Variants in NOX4 observed in about 807,000 individuals in gnomAD.
NOX4 encodes kidney oxidase-1.
NOX4 carries 69 observed loss-of-function variants against 87.6 expected under a neutral mutation model. The ratio of observed to expected loss-of-function variants is 0.79; its 90% CI spans 0.65 to 0.96. The LOEUF (loss-of-function observed/expected upper bound fraction) is 0.96. Among genes scored for constraint, NOX4 ranks in the 40% least tolerant of loss-of-function variants. The probability of loss-of-function intolerance (pLI) is 0.00; values close to 1 mark genes in which losing one functional copy is unlikely to be tolerated. For missense variants in NOX4, 680 were observed against 681.5 expected (o/e 1.00, Z 0.02); for synonymous variants, 275 against 238.2 (o/e 1.15, Z -1.42).
At chr11:89,522,905 G>C in the NOX4 span, among the ~76,000 whole-genome samples, 1 of 152,140 alleles carries the variant, frequency 6.6e-6, no homozygotes, top group African/African-American at 2.4e-5. Flanking sequence ...ACTCACGGTA[G>C]AGAGGTCTCA....
the NOX4 span, among the ~76,000 whole-genome samples, chr11:89,540,509 C>T: frequency 6.6e-6 from 1 of 151,670 alleles, no homozygotes; most frequent in Non-Finnish European, 1.5e-5. Context: ...AAGCTTCGGC[C>T]GGGCACAGTG....
At chr11:89,445,104 T>C (rs1944635662) in intron 4 of NOX4, among the ~76,000 whole-genome samples, 1 of 152,134 alleles carries the variant, frequency 6.6e-6, no homozygotes, top group Non-Finnish European at 1.5e-5. Flanking sequence ...AAATTTGTGA[T>C]CTTGGCCATA....
At chr11:89,463,315 G>C (rs369012728) in intron 2 of NOX4, among the ~76,000 whole-genome samples, 4 of 151,766 alleles carry the variant, frequency 2.6e-5, no homozygotes, top group African/African-American at 9.6e-5. Context: ...CAAAGAATCA[G>C]TTCCCTTTGG....
the NOX4 span, among the ~76,000 whole-genome samples, chr11:89,574,757 A>G: frequency 6.6e-6 from 1 of 152,240 alleles, no homozygotes; most frequent in African/African-American, 2.4e-5. Context: ...AGAAAATACT[A>G]CAATACATCA....
intron 11 of NOX4, among the ~76,000 whole-genome samples, chr11:89,381,147 TG>T (rs1338157655): frequency 3.3e-5 from 5 of 152,244 alleles, no homozygotes; most frequent in African/African-American, 1.2e-4. Flanking sequence ...AGAAAAATGA[TG>T]GCTAGTGCAG....
At chr11:89,500,330 T>C (rs1947003505), upstream of NOX4, among the ~76,000 whole-genome samples, 1 of 152,168 alleles carries the variant, frequency 6.6e-6, no homozygotes, top group Non-Finnish European at 1.5e-5. Context: ...TGGTCTTTCA[T>C]AGTCCTTTCT....
chr11:89,488,805 G>A (rs770058450), intron 2 of NOX4: 11 of 514,440 alleles, frequency 2.1e-5, no homozygotes, highest in Non-Finnish European at 3.8e-5. Context: ...ACCTAATGGG[G>A]AAATACTAGA....
chr11:89,346,071 G>T (rs1490089911), intron 13 of NOX4, among the ~76,000 whole-genome samples: 2 of 152,144 alleles, frequency 1.3e-5, no homozygotes, highest in Non-Finnish European at 2.9e-5. Context: ...ACTGATAAAT[G>T]ACTTCAGTAG....
chr11:89,503,550 T>C, the NOX4 span, among the ~76,000 whole-genome samples: 2 of 151,742 alleles, frequency 1.3e-5, no homozygotes, highest in African/African-American at 2.4e-5. Context: ...AAAAATCAGG[T>C]TGTGAGATTG....
At chr11:89,501,422 A>T (rs1009016481), upstream of NOX4, among the ~76,000 whole-genome samples, 2 of 151,958 alleles carry the variant, frequency 1.3e-5, no homozygotes, top group Admixed American at 1.3e-4. Flanking sequence ...AAGTTAAGGG[A>T]AGGAAAGATG....
the NOX4 span, among the ~76,000 whole-genome samples, chr11:89,583,010 T>A: frequency 6.6e-6 from 1 of 152,146 alleles, no homozygotes; most frequent in East Asian, 1.9e-4. Flanking sequence ...ACTTCAAAAA[T>A]ATTACTGAAT....
intron 7 of NOX4, among the ~76,000 whole-genome samples, chr11:89,432,026 A>G (rs1022748037): frequency 6.6e-6 from 1 of 152,200 alleles, no homozygotes; most frequent in Non-Finnish European, 1.5e-5. Flanking sequence ...CAGCCATAAA[A>G]AAGGATGAGT....
intron 17 of NOX4, 70 bp from the exon 18 acceptor site, chr11:89,326,946 T>C: frequency 6.9e-7 from 1 of 1,458,410 alleles, no homozygotes; most frequent in South Asian, 1.2e-5. Context: ...AAGTATGCTT[T>C]ATGAGCATGG....
intron 6 of NOX4, among the ~76,000 whole-genome samples, chr11:89,437,554 G>T (rs80043351): frequency 6.6e-6 from 1 of 151,924 alleles, no homozygotes; most frequent in Non-Finnish European, 1.5e-5. Context: ...GGCCAGCATA[G>T]TACTTCTTTT....
chr11:89,366,457 C>T (rs184383268), intron 12 of NOX4, among the ~76,000 whole-genome samples: 2 of 151,970 alleles, frequency 1.3e-5, no homozygotes, highest in Non-Finnish European at 2.9e-5. Flanking sequence ...GTGGGCTGAT[C>T]GCTCGAGCCC....
intron 7 of NOX4, among the ~76,000 whole-genome samples, chr11:89,427,810 G>T (rs547195997): frequency 9.5e-4 from 145 of 152,290 alleles, no homozygotes; most frequent in African/African-American, 3.1e-3. Flanking sequence ...ATATTATCCA[G>T]GAGAACTTCC....
chr11:89,482,148 G>A lies in NOX4; in HGVS notation c.153+8310C>T, dbSNP rs770798758. Among the ~76,000 whole-genome samples the A allele has an allele frequency of 1.4e-4, 22 of 151,998 alleles. 1 individual carries two copies. The highest frequency in any genetic ancestry group is 4.4e-5 in the Non-Finnish European group (3 of 67,968). On this transcript the variant is annotated intron_variant, in intron 2 of 17. Coordinates refer to ENST00000263317, the MANE Select transcript of NOX4 (RefSeq NM_016931.5). ...GTTGTAGGGTAGGGCTAAGAATAAAGCTCGACAAACCTCTAAGGAGGAACA... is the reference window on the plus strand; with the variant it reads ...GTTGTAGGGTAGGGCTAAGAATAAAACTCGACAAACCTCTAAGGAGGAACA...
intron 8 of NOX4, among the ~76,000 whole-genome samples, chr11:89,410,600 A>G (rs1341979494): frequency 6.6e-6 from 1 of 152,186 alleles, no homozygotes; most frequent in Non-Finnish European, 1.5e-5. Context: ...GGAGAAGAGA[A>G]CTCAGTGTTG....
chr11:89,473,314 T>C (rs2135449154), intron 2 of NOX4, among the ~76,000 whole-genome samples: 1 of 152,306 alleles, frequency 6.6e-6, no homozygotes, highest in East Asian at 1.9e-4. Context: ...TCACAATTAC[T>C]GAGCGTTTAG....
Sources: allele counts gnomAD v4.1 joint callset (sites outside exome capture counted in the v4.1 genomes callset), GRCh38; gene constraint gnomAD v4.1.1; transcripts MANE v1.5; gene names NCBI Gene and HGNC (gene_info 2026-07-23, HGNC 2026-07-21).